CWF19L2: variants seen among roughly 807,000 people sequenced by gnomAD.
CWF19L2 encodes the protein CWF19-like protein 2.
A neutral mutation model predicts 111.7 loss-of-function variants in CWF19L2; 98 were observed. The observed-to-expected ratio is 0.88, with a 90% CI of 0.75 to 1.04. The LOEUF (loss-of-function observed/expected upper bound fraction) is 1.04. Ranked by LOEUF, CWF19L2 falls within the 50% of genes least tolerant of loss-of-function variation. CWF19L2 has a pLI of 0.00. For missense variants in CWF19L2, 1,101 were observed against 1,051.4 expected (o/e 1.05, Z -0.65); for synonymous variants, 351 against 342.9 (o/e 1.02, Z -0.26).
intron 12 of CWF19L2, among the ~76,000 whole-genome samples, chr11:107,365,044 A>C (rs1167576363): frequency 1.7e-5 from 2 of 116,140 alleles, no homozygotes; most frequent in Non-Finnish European, 3.5e-5. Flanking sequence ...TACTACAAAC[A>C]CCTCTATGCA....
chr11:107,413,746 G>C (rs935182211), intron 10 of CWF19L2, among the ~76,000 whole-genome samples: 1 of 152,106 alleles, frequency 6.6e-6, no homozygotes, highest in Admixed American at 6.5e-5. Flanking sequence ...CCACAACTTA[G>C]TGTAAACAGC....
Position 107,439,076 on chromosome 11 carries a change from A to T in CWF19L2, c.664+14T>A. 1.5e-6 allele frequency: 2 copies of T among 1,379,024 alleles called. No homozygotes were observed. Among genetic ancestry groups the T allele is most frequent in the South Asian group, 2.6e-5 (2 of 77,988 alleles). 85.4% of individuals were successfully genotyped at this position (1,379,024 alleles called of 1,614,324 possible). A position where few individuals can be genotyped will look rare whatever the true frequency, so the allele number is the denominator to read the frequency against. The stretch of plus-strand genomic sequence containing the variant: ...AAAAAACCCTGTGTGTCTATAATCA[A>T]AATGTAGAAATACCTTTAGTAATCG... On this transcript the variant is annotated intron_variant, in intron 6 of 17. Coordinates refer to ENST00000282251, the MANE Select transcript of CWF19L2 (RefSeq NM_152434.3).
chr11:107,338,244 T>TA (rs762111548), intron 14 of CWF19L2, among the ~76,000 whole-genome samples: 8 of 152,112 alleles, frequency 5.3e-5, no homozygotes, highest in Non-Finnish European at 1.2e-4. Flanking sequence ...CAGCTCCTGT[T>TA]ACCCTTTTAC....
chr11:107,429,250 T>G lies in CWF19L2; in HGVS notation c.982A>C (p.Asn328His). ...TCATCACCAATAAATTTTTCATTAT[T>G]GCTATTTTTTGCAGTATCTGTTGTA... ...YATTDTAKNSNNEKFIGDEKD... is the reference protein window; with the variant it reads ...YATTDTAKNSHNEKFIGDEKD... The change falls in exon 8 of 18, where the codon AAT (asparagine) becomes CAT (histidine). Residue 328 changes from asparagine (N) to histidine (H), a missense_variant. By Grantham distance (68) the Asn-to-His change is moderately conservative (BLOSUM62 1). Coordinates refer to ENST00000282251, the MANE Select transcript of CWF19L2 (RefSeq NM_152434.3). The G allele has an allele frequency of 1.9e-6, 3 of 1,612,446 alleles. No individual in the cohort carries two copies. The South Asian group carries it at 3.3e-5, about 18-fold the overall frequency.
At chr11:107,352,609 T>C (rs913963260) in intron 13 of CWF19L2, among the ~76,000 whole-genome samples, 1 of 152,134 alleles carries the variant, frequency 6.6e-6, no homozygotes. Flanking sequence ...AAAATAAATA[T>C]AATTAGTTAA....
intron 1 of CWF19L2, among the ~76,000 whole-genome samples, chr11:107,456,306 G>T (rs993831781): frequency 5.3e-5 from 8 of 152,046 alleles, no homozygotes; most frequent in African/African-American, 1.9e-4. Flanking sequence ...AATCGTTCCT[G>T]CCCTCTTTCT....
chr11:107,416,662 C>T (rs1359364771), intron 9 of CWF19L2, among the ~76,000 whole-genome samples: 2 of 152,184 alleles, frequency 1.3e-5, no homozygotes, highest in African/African-American at 4.8e-5. Flanking sequence ...AAGATTTAAA[C>T]TGTTACCTTC....
At chr11:107,336,425 G>C in intron 15 of CWF19L2, 133 bp downstream of exon 15, 2 of 743,950 alleles carry the variant, frequency 2.7e-6, no homozygotes, top group Middle Eastern at 3.9e-4. Context: ...CACTGTGCCC[G>C]GCCTATTTCA....
intron 10 of CWF19L2, among the ~76,000 whole-genome samples, chr11:107,395,752 T>C (rs1860912693): frequency 6.6e-6 from 1 of 152,230 alleles, no homozygotes; most frequent in Admixed American, 6.5e-5. Context: ...GAGAATTTAG[T>C]CACAGCCAAT....
chr11:107,445,456 T>G (rs1206596966), intron 3 of CWF19L2, among the ~76,000 whole-genome samples: 3 of 152,036 alleles, frequency 2.0e-5, no homozygotes, highest in African/African-American at 7.2e-5. Context: ...ATACAAAAAT[T>G]AGCCAGATGT....
intron 8 of CWF19L2, among the ~76,000 whole-genome samples, chr11:107,427,698 C>G (rs1861400205): frequency 6.6e-6 from 1 of 152,094 alleles, no homozygotes; most frequent in Non-Finnish European, 1.5e-5. Context: ...CCCAGGGCAC[C>G]TGGAGTGAAG....
rs200333270 is a variant in CWF19L2 at position 107,336,539 on chromosome 11, A to G, written c.2358+19T>C. The G allele has an allele frequency of 5.1e-6, 8 of 1,574,960 alleles. No individual in the cohort carries two copies. In the East Asian group the frequency reaches 1.6e-4, roughly 31 times the overall value. On this transcript the variant is annotated intron_variant, in intron 15 of 17. Transcript: ENST00000282251. ...TATAGCAAAAAATAAGTGTATATGC[A>G]AAGACTACTTATAAACACCTTAAAA...
At chr11:107,349,147 G>A (rs1354942410) in intron 13 of CWF19L2, 94 bp from the exon 14 acceptor site, 18 of 488,194 alleles carry the variant, frequency 3.7e-5, no homozygotes, top group Admixed American at 7.8e-5. Context: ...TGTAACAGAT[G>A]AGCCCCTAGT....
At chr11:107,330,420 TTAG>T (rs1202374301) in intron 16 of CWF19L2, among the ~76,000 whole-genome samples, 1 of 152,136 alleles carries the variant, frequency 6.6e-6, no homozygotes, top group East Asian at 1.9e-4. Flanking sequence ...TTGCACATAC[TTAG>T]AGCTCTCCTT....
chr11:107,384,013 A>G (rs1049786200), intron 12 of CWF19L2, among the ~76,000 whole-genome samples: 5 of 152,212 alleles, frequency 3.3e-5, no homozygotes, highest in Non-Finnish European at 5.9e-5. Context: ...CTAGCCTAAT[A>G]AGCTCCATAA....
At chr11:107,373,365 G>A (rs1470472698) in intron 12 of CWF19L2, among the ~76,000 whole-genome samples, 2 of 134,144 alleles carry the variant, frequency 1.5e-5, no homozygotes, top group Non-Finnish European at 3.2e-5. Context: ...AGACTTAAAT[G>A]CCCCTGTCTG....
rs1859768185 is a variant in CWF19L2 at position 107,326,861 on chromosome 11, A to G, written c.*49T>C. 3 of 1,503,750 alleles carry G rather than the reference A, an allele frequency of 2.0e-6. No individual in the cohort carries two copies. The highest frequency in any genetic ancestry group is 1.8e-6 in the Non-Finnish European group (2 of 1,117,746). The allele number at this position is 1,503,750 out of a possible 1,614,324, so 93.2% of individuals were successfully genotyped here. A position where few individuals can be genotyped will look rare whatever the true frequency, so the allele number is the denominator to read the frequency against. On this transcript the variant is annotated 3_prime_UTR_variant, in exon 18 of 18. Transcript: ENST00000282251. Reference sequence around the variant, plus strand: ...AGTTGCTTCATTAGATGCAATGGAAATAAAACTGAACGGGATCTGAAGAAA... The same window carrying G: ...AGTTGCTTCATTAGATGCAATGGAAGTAAAACTGAACGGGATCTGAAGAAA...
chr11:107,348,480 A>C (rs534618995), intron 14 of CWF19L2, among the ~76,000 whole-genome samples: 1 of 152,304 alleles, frequency 6.6e-6, no homozygotes, highest in South Asian at 2.1e-4. Context: ...GCTAGTAACA[A>C]AATCACCACA....
Position 107,343,098 on chromosome 11 carries a change from C to G in CWF19L2, c.2202+5839G>C, listed in dbSNP as rs566568302. Among the ~76,000 whole-genome samples the G allele has an allele frequency of 1.4e-4, 21 of 152,340 alleles. No individual in the cohort carries two copies. In the South Asian group the frequency reaches 4.3e-3, roughly 32 times the overall value. ...CTTCTACAGTTTTAAGGCACCATCT[C>G]TGTGGCAATTTGTTACAGCAACAAT... On this transcript the variant is annotated intron_variant, in intron 14 of 17. Transcript: ENST00000282251.
Sources: gnomAD v4.1 joint callset for allele counts (sites outside exome capture counted in the v4.1 genomes callset) on GRCh38, gnomAD v4.1.1 for gene constraint, MANE v1.5 for transcripts, NCBI Gene and HGNC (gene_info 2026-07-23, HGNC 2026-07-21) for gene names.